The following SPOCK1 variants were observed in gnomAD, a reference collection of about 807,000 sequenced individuals.
SPOCK1 encodes SPARC (osteonectin), cwcv and kazal like domains proteoglycan 1.
A neutral mutation model predicts 55.3 loss-of-function variants in SPOCK1; 23 were observed. The observed-to-expected ratio is 0.42, with a 90% CI of 0.30 to 0.59. The LOEUF is 0.59. Among genes scored for constraint, SPOCK1 ranks in the 20% least tolerant of loss-of-function variants. SPOCK1 has a pLI of 0.22. For missense variants in SPOCK1, 499 were observed against 552.5 expected, an observed-to-expected ratio of 0.90 and a Z score of 0.97; for synonymous variants, 226 against 221.0, an observed-to-expected ratio of 1.02 and a Z score of -0.20.
chr5:137,010,788 C>T (rs62387879), intron 6 of SPOCK1, among the ~76,000 whole-genome samples: 1 of 152,098 alleles, frequency 6.6e-6, no homozygotes, highest in East Asian at 1.9e-4. Flanking sequence ...TACCAGGTAC[C>T]TACCACATGC....
intron 2 of SPOCK1, among the ~76,000 whole-genome samples, chr5:137,448,492 C>G (rs916536188): frequency 4.6e-5 from 7 of 152,136 alleles, no homozygotes; most frequent in Non-Finnish European, 7.3e-5. Context: ...CAAACACCTA[C>G]AGATGCCACC....
At chr5:137,274,080 C>A (rs927831140) in intron 2 of SPOCK1, among the ~76,000 whole-genome samples, 5 of 152,282 alleles carry the variant, frequency 3.3e-5, no homozygotes, top group Admixed American at 2.6e-4. Context: ...AGGGAAAGAA[C>A]TGAGTCTGAG....
chr5:137,345,254 C>A (rs184129789), intron 2 of SPOCK1, among the ~76,000 whole-genome samples: 139 of 152,278 alleles, frequency 9.1e-4, no homozygotes, highest in Non-Finnish European at 9.3e-4. Flanking sequence ...AATATGACTG[C>A]CTTTAAACGA....
At chr5:137,461,836 T>C (rs1753496155) in intron 2 of SPOCK1, among the ~76,000 whole-genome samples, 1 of 152,202 alleles carries the variant, frequency 6.6e-6, no homozygotes, top group South Asian at 2.1e-4. Flanking sequence ...TATGATCTAA[T>C]AATAAAAACT....
intron 3 of SPOCK1, among the ~76,000 whole-genome samples, chr5:137,207,335 C>T (rs933006680): frequency 6.6e-6 from 1 of 152,232 alleles, no homozygotes; most frequent in Non-Finnish European, 1.5e-5. Context: ...TAAGTTGGAA[C>T]CAACACACAA....
chr5:137,309,153 TCA>T (rs1475992821), intron 2 of SPOCK1, among the ~76,000 whole-genome samples: 1 of 152,202 alleles, frequency 6.6e-6, no homozygotes, highest in Non-Finnish European at 1.5e-5. Flanking sequence ...AGATAGATCT[TCA>T]GTGTGAAGTG....
At position 137,173,793 on chromosome 5, in the gene SPOCK1, A is replaced by T. The variant is rs1049489805; in HGVS notation, c.233-33099T>A. On this transcript the variant is annotated intron_variant, in intron 3 of 10. Coordinates refer to ENST00000394945, the MANE Select transcript of SPOCK1 (RefSeq NM_004598.4). ...CCTTAACCAGGGTAATGACTCCTTC[A>T]GGGAAAAGTCTGAGCAACACTTATC... Among the ~76,000 whole-genome samples, 4 of 152,208 alleles carry T rather than the reference A, an allele frequency of 2.6e-5. No homozygotes were observed. In the South Asian group the frequency reaches 8.3e-4, roughly 32 times the overall value.
At chr5:137,092,377 G>A (rs1436660678) in intron 5 of SPOCK1, among the ~76,000 whole-genome samples, 4 of 152,220 alleles carry the variant, frequency 2.6e-5, no homozygotes, top group Non-Finnish European at 5.9e-5. Flanking sequence ...ATTTACAGGA[G>A]GAAGAGTGTG....
chr5:137,082,504 A>G (rs1752892639), intron 5 of SPOCK1, among the ~76,000 whole-genome samples: 1 of 152,198 alleles, frequency 6.6e-6, no homozygotes, highest in African/African-American at 2.4e-5. Flanking sequence ...TGTGATACAG[A>G]CGCAGGCATT....
chr5:137,233,713 C>CTTTTTTTTTTTT (rs56328555), intron 3 of SPOCK1, among the ~76,000 whole-genome samples: 10 of 58,410 alleles, frequency 1.7e-4, no homozygotes, highest in Admixed American at 7.1e-4. Context: ...AGGATATGCA[C>CTTTTTTTTTTTT]TTTTTTTTTT....
At chr5:137,174,283 C>G (rs1490825943) in intron 3 of SPOCK1, among the ~76,000 whole-genome samples, 1 of 152,224 alleles carries the variant, frequency 6.6e-6, no homozygotes, top group Non-Finnish European at 1.5e-5. Flanking sequence ...AATTGCACAT[C>G]TAGCTGAAAT....
chr5:137,284,007 T>G (rs998712170), intron 2 of SPOCK1, among the ~76,000 whole-genome samples: 1 of 152,246 alleles, frequency 6.6e-6, no homozygotes, highest in East Asian at 1.9e-4. Flanking sequence ...TGAACATCCA[T>G]GGCCTGCCAA....
intron 5 of SPOCK1, among the ~76,000 whole-genome samples, chr5:137,106,623 C>G (rs558518086): frequency 3.3e-5 from 5 of 152,126 alleles, no homozygotes; most frequent in South Asian, 4.2e-4. Context: ...ATCCCTGCAC[C>G]CTCTCTGCAA....
At chr5:137,039,293 TTTTTTG>T (rs1580720079) in intron 6 of SPOCK1, among the ~76,000 whole-genome samples, 1 of 142,464 alleles carries the variant, frequency 7.0e-6, no homozygotes, top group African/African-American at 2.6e-5. Flanking sequence ...TTTTTTTTTT[TTTTTTG>T]TTGTTGCAAC....
At chr5:137,027,194 C>A (rs372687124) in intron 6 of SPOCK1, among the ~76,000 whole-genome samples, 1 of 152,194 alleles carries the variant, frequency 6.6e-6, no homozygotes, top group Non-Finnish European at 1.5e-5. Context: ...GCTTCACAGG[C>A]CTGAGACTTT....
At chr5:137,001,962 A>T (rs1014348827) in intron 6 of SPOCK1, among the ~76,000 whole-genome samples, 11 of 152,218 alleles carry the variant, frequency 7.2e-5, no homozygotes, top group African/African-American at 2.4e-4. Flanking sequence ...GCTCAAATTA[A>T]ATTGCATTAT....
At chr5:137,313,544 C>G (rs967105591) in intron 2 of SPOCK1, 2 of 949,204 alleles carry the variant, frequency 2.1e-6, no homozygotes, top group African/African-American at 3.5e-5. Flanking sequence ...GTCACAGGCT[C>G]CAGCCTGCCT....
At chr5:137,196,257 C>T (rs1408589814) in intron 3 of SPOCK1, among the ~76,000 whole-genome samples, 1 of 152,194 alleles carries the variant, frequency 6.6e-6, no homozygotes, top group East Asian at 1.9e-4. Flanking sequence ...AGACTCCAAA[C>T]CCCAGCTCTC....
intron 3 of SPOCK1, among the ~76,000 whole-genome samples, chr5:137,222,198 C>A (rs1229022549): frequency 6.6e-6 from 1 of 152,190 alleles, no homozygotes; most frequent in Admixed American, 6.5e-5. Context: ...GCTGCCTGGG[C>A]AAATCCAGAG....
Sources: gnomAD v4.1 joint callset for allele counts (sites outside exome capture counted in the v4.1 genomes callset) on GRCh38, gnomAD v4.1.1 for gene constraint, MANE v1.5 for transcripts, NCBI Gene and HGNC (gene_info 2026-07-23, HGNC 2026-07-21) for gene names.